The following SCARB1 variants were observed in gnomAD, a reference collection of about 807,000 sequenced individuals.
SCARB1 encodes the protein CD36 and LIMPII analogous 1.
SCARB1 carries 30 observed loss-of-function variants against 57.2 expected under a neutral mutation model. That is an observed-to-expected ratio of 0.52 (90% CI 0.39 to 0.71). SCARB1 has a LOEUF of 0.71. SCARB1 is among the 30% of genes least tolerant of loss of function. The probability of loss-of-function intolerance (pLI) is 0.00; values close to 1 mark genes in which losing one functional copy is unlikely to be tolerated. For synonymous variants in SCARB1, 249 were observed against 268.3 expected (o/e 0.93, Z 0.70); for missense variants, 543 against 671.2 (o/e 0.81, Z 2.11).
chr12:124,794,844 C>T (rs553510595), intron 9 of SCARB1, among the ~76,000 whole-genome samples: 3 of 152,216 alleles, frequency 2.0e-5, no homozygotes, highest in South Asian at 4.2e-4. Context: ...TCAGGAGAAT[C>T]GCTTGAACCT....
intron 1 of SCARB1, among the ~76,000 whole-genome samples, chr12:124,838,018 C>T (rs1448467119): frequency 6.6e-6 from 1 of 152,246 alleles, no homozygotes; most frequent in African/African-American, 2.4e-5. Flanking sequence ...GGCACTGGCC[C>T]ACAGCGGCCA....
chr12:124,805,191 G>A (rs1398269202), intron 7 of SCARB1, among the ~76,000 whole-genome samples: 1 of 152,050 alleles, frequency 6.6e-6, no homozygotes, highest in East Asian at 1.9e-4. Flanking sequence ...GGGAGAGGGG[G>A]CAACTTTAGA....
chr12:124,837,524 GAA>G (rs1407466670), intron 1 of SCARB1, among the ~76,000 whole-genome samples: 4,973 of 87,310 alleles, frequency 0.057, 226 homozygotes, highest in African/African-American at 0.08. Context: ...GAAAAGAAAG[GAA>G]AGAAAAAGAA....
Position 124,797,996 on chromosome 12 carries a change from A to G in SCARB1, c.1128+2128T>C, listed in dbSNP as rs368329400. ...GAAATGAAATCAGTGTGTCAAAGGG[A>G]CAGGGGCACTCCCATGTACGCTGTG... On this transcript the variant is annotated intron_variant, in intron 8 of 12. Transcript: ENST00000261693. Among the ~76,000 whole-genome samples, 9 of 152,358 alleles carry G rather than the reference A, an allele frequency of 5.9e-5. No individual in the cohort carries two copies. In the East Asian group the frequency reaches 1.7e-3, roughly 29 times the overall value.
At chr12:124,803,071 G>A (rs1254272957) in intron 7 of SCARB1, among the ~76,000 whole-genome samples, 2 of 152,228 alleles carry the variant, frequency 1.3e-5, no homozygotes, top group Admixed American at 6.5e-5. Flanking sequence ...CGTCACGGAC[G>A]AATTGCACCA....
rs1460926687 is a variant in SCARB1, at chr12:124,863,726, C to A, written c.-6G>T. The A allele has an allele frequency of 1.3e-6, 2 of 1,482,246 alleles. No individual in the cohort carries two copies. Among genetic ancestry groups the A allele is most frequent in the Non-Finnish European group, 1.8e-6 (2 of 1,114,154 alleles). 91.8% of individuals were successfully genotyped at this position (1,482,246 alleles called of 1,614,324 possible). A position where few individuals can be genotyped will look rare whatever the true frequency, so the allele number is the denominator to read the frequency against. On this transcript the variant is annotated 5_prime_UTR_variant, in exon 1 of 13. Transcript: ENST00000261693. ...GCTTTGGCGGAGCAGCCCATGTCTGCGCGCCTGGGGCCCACCCGCGGCTCG... is the reference window on the plus strand; with the variant it reads ...GCTTTGGCGGAGCAGCCCATGTCTGAGCGCCTGGGGCCCACCCGCGGCTCG...
Position 124,800,294 on chromosome 12 carries a change from T to A in SCARB1, c.1010-52A>T. On this transcript the variant is annotated intron_variant, in intron 7 of 12. Transcript: ENST00000261693. The surrounding 1 kb of genome is among the most constrained non-coding windows in gnomAD (Gnocchi z 4.8). ...CAGACAAGGACAGTATATTGGCAGG[T>A]CCTGCCAGGCCGGAGGTCTGCACAG... The A allele has an allele frequency of 2.1e-6, 3 of 1,395,560 alleles. No individual in the cohort carries two copies. The highest frequency in any genetic ancestry group is 3.0e-6 in the Non-Finnish European group (3 of 986,282). 86.4% of individuals were successfully genotyped at this position (1,395,560 alleles called of 1,614,324 possible). A position where few individuals can be genotyped will look rare whatever the true frequency, so the allele number is the denominator to read the frequency against.
At chr12:124,797,934 C>T (rs954763683) in intron 8 of SCARB1, among the ~76,000 whole-genome samples, 4 of 152,214 alleles carry the variant, frequency 2.6e-5, no homozygotes, top group African/African-American at 2.4e-5. Flanking sequence ...GAACTACCAT[C>T]GGATCAGTGA....
Position 124,814,854 on chromosome 12 carries a change from G to T in SCARB1, c.426+119C>A. ...CACAGGGCCGAAAGCCACCCACCAG[G>T]CGTGAGTCCCCACGCTCCGACCACC... On this transcript the variant is annotated intron_variant, in intron 3 of 12. Transcript: ENST00000261693. The surrounding 1 kb of genome is among the most constrained non-coding windows in gnomAD (Gnocchi z 4.7). 7.6e-7 allele frequency: 1 copy of T among 1,319,238 alleles called. No homozygotes were observed. The highest frequency in any genetic ancestry group is 1.1e-6 in the Non-Finnish European group (1 of 939,250). 81.7% of individuals were successfully genotyped at this position (1,319,238 alleles called of 1,614,324 possible). A position where few individuals can be genotyped will look rare whatever the true frequency, so the allele number is the denominator to read the frequency against.
chr12:124,854,308 C>G (rs1316758448), intron 1 of SCARB1, among the ~76,000 whole-genome samples: 1 of 152,202 alleles, frequency 6.6e-6, no homozygotes, highest in Non-Finnish European at 1.5e-5. Context: ...TGAGGAATGG[C>G]CAGGAGGCCA....
chr12:124,821,487 C>G, intron 1 of SCARB1: 1 of 985,036 alleles, frequency 1.0e-6, no homozygotes. Context: ...ATCTCTCTCT[C>G]TCTCTCTCTC....
At chr12:124,861,474 C>T (rs7312832) in intron 1 of SCARB1, among the ~76,000 whole-genome samples, 149,144 of 152,108 alleles carry the variant, frequency 0.98, 73,184 homozygotes, top group East Asian at 1. Flanking sequence ...CCAAAAAGCA[C>T]ATTAAAAAAA....
At chr12:124,850,384 T>C (rs1952346173) in intron 1 of SCARB1, among the ~76,000 whole-genome samples, 1 of 145,586 alleles carries the variant, frequency 6.9e-6, no homozygotes, top group South Asian at 2.2e-4. Context: ...AAAAAATAAA[T>C]AAATAGGCCG....
chr12:124,824,454 G>A (rs1408282724), intron 1 of SCARB1, among the ~76,000 whole-genome samples: 1 of 152,344 alleles, frequency 6.6e-6, no homozygotes. Flanking sequence ...TCGTGGTAAC[G>A]ATTGCGCAAC....
intron 1 of SCARB1, among the ~76,000 whole-genome samples, chr12:124,818,613 C>T (rs1269340042): frequency 1.3e-5 from 2 of 152,018 alleles, no homozygotes; most frequent in Non-Finnish European, 2.9e-5. Context: ...CTACAGGCCC[C>T]CACCATCACG....
chr12:124,822,949 C>T lies in SCARB1; in HGVS notation c.127-5242G>A, dbSNP rs1481918950. ...TATATTTACCGCTATGGAACAATCT[C>T]CAGAATATTTTAAGTAAAAAAAAAT... On this transcript the variant is annotated intron_variant, in intron 1 of 12. Transcript: ENST00000261693. The surrounding 1 kb of genome is among the most constrained non-coding windows in gnomAD (Gnocchi z 5.0). 6.6e-6 allele frequency among the ~76,000 whole-genome samples: 1 copy of T among 152,048 alleles called. No individual in the cohort carries two copies. Among genetic ancestry groups the T allele is most frequent in the Non-Finnish European group, 1.5e-5 (1 of 68,030 alleles).
At chr12:124,834,436 G>C (rs1379639249) in intron 1 of SCARB1, among the ~76,000 whole-genome samples, 1 of 152,278 alleles carries the variant, frequency 6.6e-6, no homozygotes, top group Non-Finnish European at 1.5e-5. Flanking sequence ...TCCCACTCCA[G>C]GCATGAGGTC....
chr12:124,832,684 G>A (rs10744181), intron 1 of SCARB1, among the ~76,000 whole-genome samples: 144,780 of 152,278 alleles, frequency 0.95, 68,951 homozygotes, highest in East Asian at 1. Context: ...AGAACATTAA[G>A]GTCTTTTTGT....
intron 9 of SCARB1, among the ~76,000 whole-genome samples, chr12:124,788,984 G>A (rs1322597533): frequency 6.6e-6 from 1 of 152,206 alleles, no homozygotes; most frequent in Non-Finnish European, 1.5e-5. Context: ...GGTGGGTACG[G>A]CTGGGGATGG....
Sources: gnomAD v4.1 joint callset for allele counts (sites outside exome capture counted in the v4.1 genomes callset) on GRCh38, gnomAD v4.1.1 for gene constraint, Gnocchi (gnomAD v3.1) non-coding constraint, MANE v1.5 for transcripts, NCBI Gene and HGNC (gene_info 2026-07-23, HGNC 2026-07-21) for gene names.